MKLN1: variants seen among roughly 807,000 people sequenced by gnomAD.
MKLN1 encodes the protein muskelin.
MKLN1 carries 18 observed loss-of-function variants against 99.0 expected under a neutral mutation model. The ratio of observed to expected loss-of-function variants is 0.18; its 90% confidence interval spans 0.13 to 0.27. The LOEUF (loss-of-function observed/expected upper bound fraction) is 0.27, where lower values mean the gene tolerates loss of function less well. Among genes scored for constraint, MKLN1 ranks in the 10% least tolerant of loss-of-function variants. MKLN1 has a pLI of 1.00. For missense variants in MKLN1, 621 were observed against 875.9 expected (o/e 0.71, Z 3.67); for synonymous variants, 288 against 293.2 (o/e 0.98, Z 0.18).
At chr7:131,478,124 T>G (rs1192128988) in intron 16 of MKLN1, among the ~76,000 whole-genome samples, 1 of 152,242 alleles carries the variant, frequency 6.6e-6, no homozygotes, top group East Asian at 1.9e-4. Context: ...TTGTGGAATC[T>G]CAATCTAAGT....
chr7:131,454,418 G>A (rs927087309), intron 12 of MKLN1, among the ~76,000 whole-genome samples: 3 of 152,318 alleles, frequency 2.0e-5, no homozygotes, highest in East Asian at 1.9e-4. Flanking sequence ...ATGATGAGTG[G>A]TAGAAAGATT....
chr7:131,417,604 A>ATAG (rs1383812397), intron 8 of MKLN1, among the ~76,000 whole-genome samples: 1 of 152,230 alleles, frequency 6.6e-6, no homozygotes, highest in African/African-American at 2.4e-5. Context: ...GATATCAGTA[A>ATAG]TAGAGATGGC....
chr7:131,337,837 A>T (rs1434228912), intron 1 of MKLN1, among the ~76,000 whole-genome samples: 1 of 151,838 alleles, frequency 6.6e-6, no homozygotes, highest in African/African-American at 2.4e-5. Flanking sequence ...TTATTAGGCA[A>T]TTTTTTGATG....
chr7:131,484,416 A>G (rs1162380946), intron 17 of MKLN1, among the ~76,000 whole-genome samples: 1 of 152,204 alleles, frequency 6.6e-6, no homozygotes, highest in Non-Finnish European at 1.5e-5. Flanking sequence ...AGGTAGATGA[A>G]GAACAAAAAT....
chr7:131,417,701 T>C (rs541442061), intron 8 of MKLN1, among the ~76,000 whole-genome samples: 1 of 152,302 alleles, frequency 6.6e-6, no homozygotes, highest in South Asian at 2.1e-4. Flanking sequence ...AGAAGAGCTA[T>C]CTGAAACCTT....
chr7:131,132,787 C>T (rs534622203), intron 1 of MKLN1, among the ~76,000 whole-genome samples: 76 of 151,732 alleles, frequency 5.0e-4, no homozygotes, highest in African/African-American at 1.7e-3. Context: ...ATTAGCCGGG[C>T]GTGGTGGCAG....
At chr7:131,147,474 C>T (rs1795831847) in intron 2 of MKLN1, among the ~76,000 whole-genome samples, 1 of 152,120 alleles carries the variant, frequency 6.6e-6, no homozygotes, top group Non-Finnish European at 1.5e-5. Context: ...TAGAGTCTTA[C>T]AGAGCTTAGG....
intron 8 of MKLN1, among the ~76,000 whole-genome samples, chr7:131,418,799 G>GGT (rs146483331): frequency 0.013 from 1,952 of 152,296 alleles, 49 homozygotes; most frequent in African/African-American, 0.044. Flanking sequence ...TTCAAACTGA[G>GGT]GTAGGACAGT....
chr7:131,225,521 A>C (rs1301331519), intron 3 of MKLN1, among the ~76,000 whole-genome samples: 1 of 152,204 alleles, frequency 6.6e-6, no homozygotes, highest in Non-Finnish European at 1.5e-5. Context: ...TGTCAGTGTC[A>C]GGTCCATGGG....
At chr7:131,250,894 G>A (rs1217446236) in intron 3 of MKLN1, among the ~76,000 whole-genome samples, 1 of 152,070 alleles carries the variant, frequency 6.6e-6, no homozygotes, top group East Asian at 1.9e-4. Flanking sequence ...TGTGAGTAAA[G>A]TAACAGGTTT....
At chr7:131,370,371 T>G (rs1486768255) in intron 1 of MKLN1, among the ~76,000 whole-genome samples, 1 of 132,308 alleles carries the variant, frequency 7.6e-6, no homozygotes, top group Non-Finnish European at 1.6e-5. Context: ...ATTTAAAGTG[T>G]TTTTTTTTTT....
At chr7:131,265,158 G>A (rs950694101) in intron 3 of MKLN1, among the ~76,000 whole-genome samples, 1 of 152,086 alleles carries the variant, frequency 6.6e-6, no homozygotes, top group African/African-American at 2.4e-5. Flanking sequence ...AATTTTTAAA[G>A]ATTCTGACTT....
At chr7:131,331,148 G>C (rs1456203048) in intron 1 of MKLN1, among the ~76,000 whole-genome samples, 2 of 152,054 alleles carry the variant, frequency 1.3e-5, no homozygotes, top group Admixed American at 6.5e-5. Flanking sequence ...ATACAGTTTT[G>C]TTTAATTCTT....
intron 12 of MKLN1, among the ~76,000 whole-genome samples, chr7:131,450,109 G>A (rs543332433): frequency 6.6e-6 from 1 of 152,176 alleles, no homozygotes; most frequent in East Asian, 1.9e-4. Context: ...CTATGAACTA[G>A]TTTGGGCTAA....
At chr7:131,346,224 A>C (rs1799555284) in intron 1 of MKLN1, among the ~76,000 whole-genome samples, 1 of 152,200 alleles carries the variant, frequency 6.6e-6, no homozygotes, top group Non-Finnish European at 1.5e-5. Context: ...CAACTTTATT[A>C]AAAATTAACA....
At chr7:131,189,582 A>G (rs1420304143) in intron 2 of MKLN1, among the ~76,000 whole-genome samples, 1 of 151,610 alleles carries the variant, frequency 6.6e-6, no homozygotes, top group African/African-American at 2.4e-5. Flanking sequence ...AAACCCACCC[A>G]GCCTAGGTAT....
intron 3 of MKLN1, among the ~76,000 whole-genome samples, chr7:131,256,336 T>C (rs1368279725): frequency 6.6e-6 from 1 of 152,212 alleles, no homozygotes; most frequent in East Asian, 1.9e-4. Context: ...GTTCTTCAGG[T>C]GGAATTCAAG....
intron 3 of MKLN1, among the ~76,000 whole-genome samples, chr7:131,227,082 T>G (rs1797158490): frequency 6.6e-6 from 1 of 152,206 alleles, no homozygotes; most frequent in Non-Finnish European, 1.5e-5. Flanking sequence ...ACCATCACTT[T>G]TCACTATTCC....
chr7:131,356,000 A>G (rs1322328239), intron 1 of MKLN1, among the ~76,000 whole-genome samples: 1 of 149,924 alleles, frequency 6.7e-6, no homozygotes, highest in Non-Finnish European at 1.5e-5. Context: ...ACAGTTTTAG[A>G]TTTACTAAAA....
Sources: allele counts gnomAD v4.1 joint callset (sites outside exome capture counted in the v4.1 genomes callset), GRCh38; gene constraint gnomAD v4.1.1; transcripts MANE v1.5; gene names NCBI Gene and HGNC (gene_info 2026-07-23, HGNC 2026-07-21).